CEACAM19: variants seen among roughly 807,000 people sequenced by gnomAD.
CEACAM19 encodes the protein cell adhesion molecule CEACAM19.
CEACAM19 carries 37 observed loss-of-function variants against 37.6 expected under a neutral mutation model. The observed-to-expected ratio is 0.98, with a 90% CI of 0.76 to 1.29. The LOEUF is 1.29. Ranked by LOEUF, CEACAM19 falls within the 50% of genes most tolerant of loss-of-function variation. The pLI is 0.00. For missense variants in CEACAM19, 340 were observed against 375.6 expected (o/e 0.91, Z 0.78); for synonymous variants, 140 against 149.8 (o/e 0.93, Z 0.48).
At chr19:44,678,692 T>A (rs1973997066) in intron 3 of CEACAM19, 161 bp from the exon 4 acceptor site, 1 of 995,114 alleles carries the variant, frequency 1.0e-6, no homozygotes, top group African/African-American at 1.7e-5. Context: ...ATTACAGGCA[T>A]GAGCCACTGA....
upstream of CEACAM19, among the ~76,000 whole-genome samples, chr19:44,667,852 T>C (rs1487074931): frequency 2.8e-5 from 2 of 71,612 alleles, no homozygotes; most frequent in Admixed American, 2.6e-4. Flanking sequence ...ATATATACAA[T>C]ATATATAAAT....
At position 44,672,025 on chromosome 19, in the gene CEACAM19, T is replaced by C. The variant is rs902355457; in HGVS notation, c.55+39T>C. ...AGACCCTAAAGGCCAAGGGGAGAAATGGGGACTCAGCCCAGAGATTGAAGT... is the reference window on the plus strand; with the variant it reads ...AGACCCTAAAGGCCAAGGGGAGAAACGGGGACTCAGCCCAGAGATTGAAGT... On this transcript the variant is annotated intron_variant, in intron 1 of 7. Transcript: ENST00000358777. 3.3e-6 allele frequency: 5 copies of C among 1,526,066 alleles called. No homozygotes were observed. In the African/African-American group the frequency reaches 5.5e-5, roughly 17 times the overall value. 94.5% of individuals were successfully genotyped at this position (1,526,066 alleles called of 1,614,324 possible).
rs953343280 is a variant in CEACAM19 at position 44,671,930 on chromosome 19, A to G, written c.-2A>G. ...CCCTTGGCATTTCCACAAGACGCCAAGATGGAGATTCCCATGGGGACCCAG... is the reference window on the plus strand; with the variant it reads ...CCCTTGGCATTTCCACAAGACGCCAGGATGGAGATTCCCATGGGGACCCAG... On this transcript the variant is annotated 5_prime_UTR_variant, in exon 1 of 8. Transcript: ENST00000358777. 1 of 1,604,908 alleles carries G rather than the reference A, an allele frequency of 6.2e-7. No homozygotes were observed. Among genetic ancestry groups the G allele is most frequent in the South Asian group, 1.1e-5 (1 of 89,460 alleles).
upstream of CEACAM19, chr19:44,666,962 G>A (rs1457579696): frequency 6.6e-6 from 1 of 151,832 alleles, no homozygotes; most frequent in African/African-American, 2.4e-5. Context: ...CTCCAGGGGA[G>A]GAGGCTGAGG....
intron 4 of CEACAM19, among the ~76,000 whole-genome samples, 164 bp from the exon 5 acceptor site, chr19:44,680,124 T>C (rs1346717994): frequency 1.3e-5 from 2 of 152,118 alleles, no homozygotes; most frequent in East Asian, 1.9e-4. Flanking sequence ...ATGAGGATTA[T>C]GGAAGAAAAG....
chr19:44,668,715 T>C (rs1973806908), upstream of CEACAM19, among the ~76,000 whole-genome samples: 1 of 67,562 alleles, frequency 1.5e-5, no homozygotes, highest in South Asian at 4.2e-4. Flanking sequence ...TTATATATTA[T>C]AATATGTATA....
chr19:44,676,485 C>A, intron 3 of CEACAM19, 64 bp downstream of exon 3: 1 of 1,517,048 alleles, frequency 6.6e-7, no homozygotes, highest in Non-Finnish European at 9.1e-7. Flanking sequence ...CCCATGGATT[C>A]TTCCACAAGT....
upstream of CEACAM19, among the ~76,000 whole-genome samples, chr19:44,670,781 GAAAAAAAAAAAA>G (rs74691226): frequency 7.0e-4 from 41 of 58,178 alleles, no homozygotes; most frequent in South Asian, 5.3e-3. Context: ...CCTGTCTCAA[GAAAAAAAAAAAA>G]AAAAAAAAAA....
chr19:44,678,725 C>T (rs1973997911), intron 3 of CEACAM19, 128 bp from the exon 4 acceptor site: 3 of 1,354,458 alleles, frequency 2.2e-6, no homozygotes, highest in South Asian at 3.0e-5. Flanking sequence ...TTTTTTTACT[C>T]AAAACCGCAC....
At chr19:44,667,746 TA>T (rs1176429306), upstream of CEACAM19, among the ~76,000 whole-genome samples, 1,909 of 73,614 alleles carry the variant, frequency 0.026, 38 homozygotes, top group Non-Finnish European at 0.03. Flanking sequence ...ATATAATATA[TA>T]AATTATATAA....
intron 3 of CEACAM19, among the ~76,000 whole-genome samples, chr19:44,677,432 GGAGAGAGA>G (rs146217697): frequency 2.7e-5 from 4 of 147,824 alleles, no homozygotes; most frequent in African/African-American, 5.0e-5. Flanking sequence ...CTACTTGTAT[GGAGAGAGA>G]GAGAGAGAGA....
At position 44,684,059 on chromosome 19, in the gene CEACAM19, G is replaced by A. The variant is rs1599795624; in HGVS notation, c.*569G>A. 6.5e-6 allele frequency: 1 copy of A among 152,732 alleles called. No individual in the cohort carries two copies. The highest frequency in any genetic ancestry group is 1.5e-5 in the Non-Finnish European group (1 of 68,356). The allele number at this position is 152,732 out of a possible 1,614,324, so 9.5% of individuals were successfully genotyped here. A position where few individuals can be genotyped will look rare whatever the true frequency, so the allele number is the denominator to read the frequency against. On this transcript the variant is annotated 3_prime_UTR_variant, in exon 8 of 8. Transcript: ENST00000358777. ...CCCCTTCCCTGTTCAGGCAGGCCCA[G>A]CCCCTCTCAGAACCTGCTGCCAGCT...
chr19:44,667,769 T>TTA (rs1191854655), upstream of CEACAM19, among the ~76,000 whole-genome samples: 2 of 74,762 alleles, frequency 2.7e-5, no homozygotes, highest in Non-Finnish European at 4.5e-5. Context: ...TTATATATAT[T>TTA]TATATATAAT....
chr19:44,682,891 CAG>C, intron 7 of CEACAM19: 1 of 415,080 alleles, frequency 2.4e-6, no homozygotes, highest in Non-Finnish European at 4.3e-6. Flanking sequence ...CAGAGAGGGA[CAG>C]GGGATTGCCT....
In CEACAM19 at chr19:44,672,655, A is replaced by G. The variant is rs751856772; in HGVS notation, c.115A>G (p.Ile39Val). The change falls in exon 2 of 8, where the codon ATT becomes GTT. Residue 39 changes from isoleucine to valine, a missense_variant. Transcript: ENST00000358777. ...GSQAALYIQK[I>V]PEQPQKNQDL... The stretch of plus-strand genomic sequence containing the variant: ...CCAGGCAGCTCTCTACATCCAGAAG[A>G]TTCCAGAGCAGCCTCAAAAGAACCA... 1 of 1,518,744 alleles carries G rather than the reference A, an allele frequency of 6.6e-7. No individual in the cohort carries two copies. The highest frequency in any genetic ancestry group is 2.4e-5 in the East Asian group (1 of 41,878). 94.1% of individuals were successfully genotyped at this position (1,518,744 alleles called of 1,614,324 possible).
intron 6 of CEACAM19, 35 bp downstream of exon 6, chr19:44,681,347 A>G (rs62119326): frequency 0.058 from 85,273 of 1,469,488 alleles, 2,739 homozygotes; most frequent in Non-Finnish European, 0.065. Context: ...CCTGAAGCCA[A>G]TGCTAACAGG....
At chr19:44,668,756 TA>T (rs1973809508), upstream of CEACAM19, among the ~76,000 whole-genome samples, 1 of 94,220 alleles carries the variant, frequency 1.1e-5, no homozygotes, top group Non-Finnish European at 1.8e-5. Flanking sequence ...TAATATAATA[TA>T]ATATATATAA....
Position 44,682,669 on chromosome 19 carries a change from G to C in CEACAM19, c.846+49G>C, listed in dbSNP as rs376354336. The C allele has an allele frequency of 1.4e-5, 22 of 1,541,246 alleles. No individual in the cohort carries two copies. The Admixed American group carries it at 2.4e-4, about 17-fold the overall frequency. ...GGTGGTGGGGATCCCACGGATCCAG[G>C]AGCCCCGAAGCCGGGGTGGGGAGGG... On this transcript the variant is annotated intron_variant, in intron 7 of 7. Coordinates refer to ENST00000358777, the MANE Select transcript of CEACAM19 (RefSeq NM_001127893.3).
At chr19:44,668,831 T>C (rs1212927377), upstream of CEACAM19, among the ~76,000 whole-genome samples, 1 of 109,320 alleles carries the variant, frequency 9.1e-6, no homozygotes, top group Admixed American at 1.4e-4. Context: ...TTCAGTTTTT[T>C]TTTTTGGAGA....
Sources: allele counts gnomAD v4.1 joint callset (sites outside exome capture counted in the v4.1 genomes callset), GRCh38; gene constraint gnomAD v4.1.1; transcripts MANE v1.5; gene names NCBI Gene and HGNC (gene_info 2026-07-23, HGNC 2026-07-21).